The following OLFM2 variants were observed in gnomAD, a reference collection of about 807,000 sequenced individuals.
OLFM2 encodes olfactomedin 2.
In OLFM2, 20 loss-of-function variants were observed where a neutral mutation model predicts 43.9. The observed-to-expected ratio is 0.46, with a 90% CI of 0.32 to 0.66. The LOEUF (loss-of-function observed/expected upper bound fraction) is 0.66, where lower values mean the gene tolerates loss of function less well. Among genes scored for constraint, OLFM2 ranks in the 30% least tolerant of loss-of-function variants. The pLI, the probability that OLFM2 is intolerant of heterozygous loss-of-function variation, is 0.04. For synonymous variants in OLFM2, 268 were observed against 278.6 expected (o/e 0.96, Z 0.38); for missense variants, 416 against 643.6 (o/e 0.65, Z 3.83).
chr19:9,870,431 C>A (rs1239219755), intron 1 of OLFM2, among the ~76,000 whole-genome samples: 1 of 152,142 alleles, frequency 6.6e-6, no homozygotes, highest in African/African-American at 2.4e-5. Context: ...CCATCCTAGT[C>A]CCCACGCGGC....
chr19:9,908,694 G>T (rs1255392791), intron 1 of OLFM2, among the ~76,000 whole-genome samples: 1 of 151,652 alleles, frequency 6.6e-6, no homozygotes, highest in East Asian at 1.9e-4. Flanking sequence ...AGCCAGGATG[G>T]TCTCGATCTC....
chr19:9,863,507 G>A (rs1472436808), intron 1 of OLFM2, among the ~76,000 whole-genome samples: 1 of 151,998 alleles, frequency 6.6e-6, no homozygotes, highest in Non-Finnish European at 1.5e-5. Context: ...GAAGATTCTG[G>A]TCCTATTCCA....
chr19:9,863,544 A>C (rs895013616), intron 1 of OLFM2, among the ~76,000 whole-genome samples: 2 of 152,000 alleles, frequency 1.3e-5, no homozygotes, highest in African/African-American at 4.8e-5. Flanking sequence ...GCATGGAAGA[A>C]ATTCTGATTA....
intron 1 of OLFM2, among the ~76,000 whole-genome samples, chr19:9,923,496 T>C (rs2086432773): frequency 6.9e-6 from 1 of 145,982 alleles, no homozygotes; most frequent in Non-Finnish European, 1.5e-5. Flanking sequence ...GCAGAGGTTG[T>C]AGTGAGACAA....
At chr19:9,873,054 A>T (rs1427079704) in intron 1 of OLFM2, among the ~76,000 whole-genome samples, 1 of 152,216 alleles carries the variant, frequency 6.6e-6, no homozygotes, top group East Asian at 1.9e-4. Flanking sequence ...ACAGATGGGA[A>T]AACTGAGATA....
chr19:9,868,293 C>G (rs1249187219), intron 1 of OLFM2, among the ~76,000 whole-genome samples: 1 of 152,138 alleles, frequency 6.6e-6, no homozygotes, highest in African/African-American at 2.4e-5. Flanking sequence ...AACTCCTGAC[C>G]TCAGGTGATC....
chr19:9,862,438 G>A (rs1399820862), intron 1 of OLFM2, among the ~76,000 whole-genome samples: 1 of 151,994 alleles, frequency 6.6e-6, no homozygotes, highest in Non-Finnish European at 1.5e-5. Context: ...TCAAGAGGCT[G>A]AAGGGGGCGG....
In OLFM2 at chr19:9,897,327, C is replaced by CAA. The variant is rs1160281673; in HGVS notation, c.64-36535_64-36534dup. ...TGGGCAACAGAGTGAGACTTCGTCT[C>CAA]AAAAAAAAAAAAAAAAAAAAATTAG... On this transcript the variant is annotated intron_variant, in intron 1 of 5. Transcript: ENST00000264833. 1.1e-3 allele frequency among the ~76,000 whole-genome samples: 103 copies of CAA among 93,274 alleles called. 1 individual carries two copies. Among genetic ancestry groups the CAA allele is most frequent in the African/African-American group, 1.3e-3 (32 of 24,832 alleles). 61.2% of individuals were successfully genotyped at this position (93,274 alleles called of 152,430 possible).
chr19:9,899,853 G>GC (rs930677382), intron 1 of OLFM2, among the ~76,000 whole-genome samples: 1 of 151,456 alleles, frequency 6.6e-6, no homozygotes, highest in African/African-American at 2.4e-5. Flanking sequence ...CACCACACCC[G>GC]CCCCACCCCC....
chr19:9,935,225 C>T (rs192415435), intron 1 of OLFM2, among the ~76,000 whole-genome samples: 28 of 152,258 alleles, frequency 1.8e-4, no homozygotes, highest in Admixed American at 6.5e-4. Flanking sequence ...CAAATTAGCA[C>T]GTAATGAATG....
intron 1 of OLFM2, among the ~76,000 whole-genome samples, chr19:9,899,762 A>G (rs1406185459): frequency 6.6e-6 from 1 of 151,868 alleles, no homozygotes; most frequent in Non-Finnish European, 1.5e-5. Context: ...TATGTTGCCC[A>G]GTCTGGTCTT....
Position 9,857,544 on chromosome 19 carries a change from C to G in OLFM2, c.361-62G>C. ...CCTGGCCTTTGACCCAGACATGACT[C>G]CAACCTCTGACTCATAACTTCACCC... On this transcript the variant is annotated intron_variant, in intron 3 of 5. Transcript: ENST00000264833. This position sits in a 1 kb window ranked among gnomAD's most constrained non-coding sequence, Gnocchi z 5.7. The G allele has an allele frequency of 6.3e-7, 1 of 1,583,732 alleles. No homozygotes were observed. The highest frequency in any genetic ancestry group is 8.6e-7 in the Non-Finnish European group (1 of 1,159,126).
intron 1 of OLFM2, among the ~76,000 whole-genome samples, chr19:9,863,363 C>T (rs369329208): frequency 1.3e-5 from 2 of 151,950 alleles, no homozygotes; most frequent in Non-Finnish European, 2.9e-5. Flanking sequence ...TGTGCAGAGG[C>T]GAGACGTGAC....
At chr19:9,882,246 GA>G (rs527856182) in intron 1 of OLFM2, among the ~76,000 whole-genome samples, 6 of 117,576 alleles carry the variant, frequency 5.1e-5, no homozygotes, top group Non-Finnish European at 7.3e-5. Context: ...TCTCAAAAAA[GA>G]AAAAAAAAAG....
chr19:9,872,127 C>A lies in OLFM2; in HGVS notation c.64-11333G>T, dbSNP rs563545728. Reference sequence around the variant, plus strand: ...TGAGCCGTGACAGGGGGCCACGTCCCTTTGGAAAGCTTGAGATAATAGCAG... The same window carrying A: ...TGAGCCGTGACAGGGGGCCACGTCCATTTGGAAAGCTTGAGATAATAGCAG... On this transcript the variant is annotated intron_variant, in intron 1 of 5. Coordinates refer to ENST00000264833, the MANE Select transcript of OLFM2 (RefSeq NM_058164.4). Among the ~76,000 whole-genome samples, 46 of 152,232 alleles carry A rather than the reference C, an allele frequency of 3.0e-4. 3 individuals are homozygous for A. The South Asian group carries it at 9.1e-3, about 30-fold the overall frequency.
intron 1 of OLFM2, among the ~76,000 whole-genome samples, chr19:9,921,082 C>T (rs961726762): frequency 8.5e-5 from 13 of 152,076 alleles, no homozygotes; most frequent in African/African-American, 3.1e-4. Flanking sequence ...ATGCAACAGA[C>T]AGAATTATAA....
chr19:9,930,398 T>G (rs764119107), intron 1 of OLFM2, among the ~76,000 whole-genome samples: 16 of 152,174 alleles, frequency 1.1e-4, no homozygotes, highest in Non-Finnish European at 1.9e-4. Context: ...TACCCTTAAA[T>G]TTTGTACTAT....
In OLFM2 at chr19:9,857,524, C is replaced by G; in HGVS notation, c.361-42G>C. ...AACCATGGCCAAGCCTGACCCCTGGCCTTTGACCCAGACATGACTCCAACC... is the reference window on the plus strand; with the variant it reads ...AACCATGGCCAAGCCTGACCCCTGGGCTTTGACCCAGACATGACTCCAACC... On this transcript the variant is annotated intron_variant, in intron 3 of 5. Transcript: ENST00000264833. The surrounding 1 kb of genome is among the most constrained non-coding windows in gnomAD (Gnocchi z 5.7). The G allele has an allele frequency of 1.2e-6, 2 of 1,603,250 alleles. No individual in the cohort carries two copies. The highest frequency in any genetic ancestry group is 1.7e-6 in the Non-Finnish European group (2 of 1,174,094).
chr19:9,882,631 G>C (rs2046548913), intron 1 of OLFM2, among the ~76,000 whole-genome samples: 4 of 150,254 alleles, frequency 2.7e-5, no homozygotes, highest in African/African-American at 9.8e-5. Flanking sequence ...GTGGTCAGGG[G>C]CTGGGCGGTG....
Sources: allele counts gnomAD v4.1 joint callset (sites outside exome capture counted in the v4.1 genomes callset), GRCh38; gene constraint gnomAD v4.1.1; non-coding constraint Gnocchi (gnomAD v3.1); transcripts MANE v1.5; gene names NCBI Gene and HGNC (gene_info 2026-07-23, HGNC 2026-07-21).